Variants in NIBAN1 observed in about 807,000 individuals in gnomAD.
NIBAN1 encodes the protein protein Niban 1.
In NIBAN1, 81 loss-of-function variants were observed where a neutral mutation model predicts 75.1. The observed-to-expected ratio is 1.08, with a 90% CI of 0.90 to 1.30. NIBAN1 has a LOEUF of 1.30. Among genes scored for constraint, NIBAN1 ranks in the 50% most tolerant of loss-of-function variants. The probability of loss-of-function intolerance (pLI) is 0.00; values close to 1 mark genes in which losing one functional copy is unlikely to be tolerated. For synonymous variants in NIBAN1, 436 were observed against 424.8 expected (o/e 1.03, Z -0.32); for missense variants, 1,133 against 1,128.1 (o/e 1.00, Z -0.06).
chr1:184,794,940 C>CT lies in NIBAN1; in HGVS notation c.*36dup, dbSNP rs764346728. 1.2e-6 allele frequency: 2 copies of CT among 1,602,640 alleles called. No homozygotes were observed. The highest frequency in any genetic ancestry group is 1.3e-5 in the African/African-American group (1 of 75,026). On this transcript the variant is annotated 3_prime_UTR_variant, in exon 14 of 14. Transcript: ENST00000367511. Reference sequence around the variant, plus strand: ...TAAGTGTACCCCTATAACCCTTTGGCTTTTTTCAGAGAAAGACTTCAGCCA... The same window carrying CT: ...TAAGTGTACCCCTATAACCCTTTGGCTTTTTTTCAGAGAAAGACTTCAGCCA...
chr1:184,873,207 T>C (rs1201063161), intron 5 of NIBAN1, among the ~76,000 whole-genome samples: 1 of 152,190 alleles, frequency 6.6e-6, no homozygotes, highest in Non-Finnish European at 1.5e-5. Context: ...GAGAAAAAGA[T>C]TAGAAACATC....
chr1:184,803,362 A>G (rs768091708), intron 12 of NIBAN1, among the ~76,000 whole-genome samples: 6 of 152,228 alleles, frequency 3.9e-5, no homozygotes, highest in Non-Finnish European at 8.8e-5. Flanking sequence ...CTGTTTATAT[A>G]TAGTCAATGG....
intron 9 of NIBAN1, among the ~76,000 whole-genome samples, chr1:184,811,261 T>G (rs1254323415): frequency 6.6e-6 from 1 of 152,194 alleles, no homozygotes; most frequent in East Asian, 1.9e-4. Context: ...TCTACCCCTT[T>G]TTTCATTTTT....
intron 1 of NIBAN1, among the ~76,000 whole-genome samples, chr1:184,917,232 TCTCA>T (rs1571571874): frequency 1.3e-5 from 2 of 149,564 alleles, no homozygotes; most frequent in East Asian, 4.0e-4. Flanking sequence ...TGAGATGAAG[TCTCA>T]CTCTGTCGCC....
chr1:184,893,097 G>A (rs909439024), intron 3 of NIBAN1, among the ~76,000 whole-genome samples: 2 of 152,112 alleles, frequency 1.3e-5, no homozygotes, highest in African/African-American at 4.8e-5. Context: ...GAGCTTAGAG[G>A]CCAGAGAGCA....
At chr1:184,948,687 C>A (rs1282690526) in intron 1 of NIBAN1, among the ~76,000 whole-genome samples, 1 of 151,968 alleles carries the variant, frequency 6.6e-6, no homozygotes, top group Non-Finnish European at 1.5e-5. Flanking sequence ...TCCTCCACAG[C>A]CAATAAAACT....
At chr1:184,897,565 T>G (rs1656833573) in intron 2 of NIBAN1, among the ~76,000 whole-genome samples, 1 of 152,172 alleles carries the variant, frequency 6.6e-6, no homozygotes, top group Admixed American at 6.5e-5. Flanking sequence ...ATACTAGTTA[T>G]AAGCTAACAT....
At chr1:184,915,243 G>T (rs965732233) in intron 1 of NIBAN1, among the ~76,000 whole-genome samples, 1 of 152,192 alleles carries the variant, frequency 6.6e-6, no homozygotes, top group African/African-American at 2.4e-5. Flanking sequence ...TCTATATGAG[G>T]GAAGTCAGAG....
At chr1:184,806,316 G>A (rs1440064742) in intron 10 of NIBAN1, among the ~76,000 whole-genome samples, 2 of 152,168 alleles carry the variant, frequency 1.3e-5, no homozygotes, top group African/African-American at 4.8e-5. Flanking sequence ...TCTCCCGTGG[G>A]CACTCCTATT....
chr1:184,842,305 C>T (rs569003644), intron 5 of NIBAN1, among the ~76,000 whole-genome samples: 2 of 152,338 alleles, frequency 1.3e-5, no homozygotes, highest in South Asian at 4.1e-4. Context: ...CTGGCCCCCA[C>T]TCCCAGAGTT....
chr1:184,863,494 C>A (rs983736675), intron 5 of NIBAN1, among the ~76,000 whole-genome samples: 2 of 152,236 alleles, frequency 1.3e-5, no homozygotes, highest in East Asian at 3.9e-4. Flanking sequence ...GATTCAATTT[C>A]TATTTTCAAT....
At chr1:184,855,720 C>T (rs760621755) in intron 5 of NIBAN1, among the ~76,000 whole-genome samples, 13 of 152,184 alleles carry the variant, frequency 8.5e-5, no homozygotes, top group Non-Finnish European at 1.8e-4. Flanking sequence ...TGGCCCCGAA[C>T]TAGAATATAA....
intron 5 of NIBAN1, among the ~76,000 whole-genome samples, chr1:184,857,321 G>GGCAATGGC (rs2102271338): frequency 6.6e-6 from 1 of 152,252 alleles, no homozygotes; most frequent in South Asian, 2.1e-4. Flanking sequence ...CTCCTTTGCT[G>GGCAATGGC]TGTCCTAATG....
At chr1:184,970,782 G>T (rs764641615) in intron 1 of NIBAN1, among the ~76,000 whole-genome samples, 1 of 152,132 alleles carries the variant, frequency 6.6e-6, no homozygotes, top group Admixed American at 6.5e-5. Flanking sequence ...GGCACTGACT[G>T]TCCAGTACTT....
At chr1:184,903,901 A>AT (rs879338979) in intron 1 of NIBAN1, among the ~76,000 whole-genome samples, 92 of 137,886 alleles carry the variant, frequency 6.7e-4, no homozygotes, top group African/African-American at 1.1e-3. Flanking sequence ...CACACTTATT[A>AT]TTTTTTTTTT....
chr1:184,874,697 A>G (rs1007951650), intron 5 of NIBAN1, among the ~76,000 whole-genome samples: 2 of 152,154 alleles, frequency 1.3e-5, no homozygotes, highest in African/African-American at 2.4e-5. Flanking sequence ...AAATCAGTCA[A>G]TCATCACAGT....
rs1348696860 is a variant in NIBAN1, at chr1:184,851,428, A to G, written c.602-19466T>C. Among the ~76,000 whole-genome samples the G allele has an allele frequency of 1.7e-4, 8 of 46,614 alleles. 2 individuals carry two copies. The highest frequency in any genetic ancestry group is 3.1e-4 in the Non-Finnish European group (8 of 25,562). 30.6% of individuals were successfully genotyped at this position (46,614 alleles called of 152,430 possible). A position where few individuals can be genotyped will look rare whatever the true frequency, so the allele number is the denominator to read the frequency against. On this transcript the variant is annotated intron_variant, in intron 5 of 13. Coordinates refer to ENST00000367511, the MANE Select transcript of NIBAN1 (RefSeq NM_052966.4). Reference sequence around the variant, plus strand: ...TCTCACTCATAGGTGGGAATTGAACAATGAGATCACATGGACACAGGAAGG... The same window carrying G: ...TCTCACTCATAGGTGGGAATTGAACGATGAGATCACATGGACACAGGAAGG...
chr1:184,799,082 T>C (rs576080233), intron 12 of NIBAN1, among the ~76,000 whole-genome samples: 40 of 152,298 alleles, frequency 2.6e-4, no homozygotes, highest in Admixed American at 1.2e-3. Flanking sequence ...AGGGTACATG[T>C]GCACAATGTG....
intron 1 of NIBAN1, among the ~76,000 whole-genome samples, chr1:184,971,946 G>C (rs754154248): frequency 5.3e-5 from 8 of 152,138 alleles, no homozygotes; most frequent in Non-Finnish European, 1.0e-4. Context: ...TAAATCCTAA[G>C]AAACAATGTA....
Sources: gnomAD v4.1 joint callset for allele counts (sites outside exome capture counted in the v4.1 genomes callset) on GRCh38, gnomAD v4.1.1 for gene constraint, MANE v1.5 for transcripts, NCBI Gene and HGNC (gene_info 2026-07-23, HGNC 2026-07-21) for gene names.